Variants in ADAMTSL1 observed in about 807,000 individuals in gnomAD.
ADAMTSL1 encodes the protein ADAMTS like 1.
In ADAMTSL1, 126 loss-of-function variants were observed where a neutral mutation model predicts 201.8. That is an observed-to-expected ratio of 0.62 (90% CI 0.54 to 0.72). The LOEUF (loss-of-function observed/expected upper bound fraction) is 0.72. Ranked by LOEUF, ADAMTSL1 falls within the 30% of genes least tolerant of loss-of-function variation. The probability of loss-of-function intolerance (pLI) is 0.00; values close to 1 mark genes in which losing one functional copy is unlikely to be tolerated. For synonymous variants in ADAMTSL1, 1,121 were observed against 903.4 expected (o/e 1.24, Z -4.32); for missense variants, 2,679 against 2,277.8 (o/e 1.18, Z -3.59).
At chr9:17,960,849 A>G (rs920093455) in intron 1 of ADAMTSL1, among the ~76,000 whole-genome samples, 1 of 152,172 alleles carries the variant, frequency 6.6e-6, no homozygotes, top group Non-Finnish European at 1.5e-5. Context: ...TCTGGCATGT[A>G]GTAAATGCGC....
intron 2 of ADAMTSL1, among the ~76,000 whole-genome samples, chr9:18,294,120 A>C (rs748435209): frequency 1.3e-5 from 2 of 152,212 alleles, no homozygotes; most frequent in Non-Finnish European, 2.9e-5. Flanking sequence ...TAAATGAACC[A>C]ATATGAATGA....
At chr9:18,546,993 A>T (rs1320792038) in intron 3 of ADAMTSL1, among the ~76,000 whole-genome samples, 2 of 152,174 alleles carry the variant, frequency 1.3e-5, no homozygotes, top group Non-Finnish European at 2.9e-5. Flanking sequence ...TAGGTAAGAA[A>T]TTCTCCAATA....
At chr9:18,334,053 G>T (rs1271774934) in intron 2 of ADAMTSL1, among the ~76,000 whole-genome samples, 1 of 152,142 alleles carries the variant, frequency 6.6e-6, no homozygotes, top group Non-Finnish European at 1.5e-5. Context: ...TTCAAACTCA[G>T]ATCTGCCTCC....
At chr9:18,330,836 T>G (rs1001459910) in intron 2 of ADAMTSL1, among the ~76,000 whole-genome samples, 3 of 152,154 alleles carry the variant, frequency 2.0e-5, no homozygotes, top group Non-Finnish European at 4.4e-5. Flanking sequence ...TAAAAGCAAA[T>G]GCATAAAACT....
chr9:18,566,989 G>C (rs142914454), intron 3 of ADAMTSL1, among the ~76,000 whole-genome samples: 1 of 152,102 alleles, frequency 6.6e-6, no homozygotes, highest in Admixed American at 6.6e-5. Context: ...TTCTCAAAGC[G>C]GGTTTGCCAA....
At chr9:18,745,126 G>A (rs988913035) in intron 15 of ADAMTSL1, among the ~76,000 whole-genome samples, 2 of 152,090 alleles carry the variant, frequency 1.3e-5, no homozygotes, top group East Asian at 1.9e-4. Context: ...GGGACAATAT[G>A]AGCTAAGTAG....
intron 15 of ADAMTSL1, among the ~76,000 whole-genome samples, chr9:18,726,860 A>G (rs992139293): frequency 1.3e-5 from 2 of 152,226 alleles, no homozygotes; most frequent in African/African-American, 4.8e-5. Context: ...GAAAAAGCTC[A>G]TAATTCCAGG....
intron 23 of ADAMTSL1, among the ~76,000 whole-genome samples, chr9:18,868,993 G>A (rs1827718585): frequency 6.6e-6 from 1 of 152,192 alleles, no homozygotes; most frequent in African/African-American, 2.4e-5. Flanking sequence ...TTAAGATAAG[G>A]TCATTCATAT....
chr9:18,545,727 C>A (rs1251226686), intron 3 of ADAMTSL1, among the ~76,000 whole-genome samples: 2 of 152,138 alleles, frequency 1.3e-5, no homozygotes, highest in Non-Finnish European at 2.9e-5. Context: ...AAAAAGGATG[C>A]TGGCCTCTAG....
chr9:18,726,293 G>A (rs992263560), intron 15 of ADAMTSL1, among the ~76,000 whole-genome samples: 12 of 151,908 alleles, frequency 7.9e-5, no homozygotes, highest in East Asian at 3.9e-4. Flanking sequence ...GCTTAAGATC[G>A]GGAGTTCAAG....
At chr9:18,494,720 C>A (rs554363217) in intron 1 of ADAMTSL1, among the ~76,000 whole-genome samples, 60 of 152,152 alleles carry the variant, frequency 3.9e-4, no homozygotes, top group Non-Finnish European at 7.1e-4. Flanking sequence ...GGCTCTTCAC[C>A]TTTTTTGAAG....
chr9:18,165,502 G>T (rs1197983239), intron 2 of ADAMTSL1, among the ~76,000 whole-genome samples: 2 of 151,760 alleles, frequency 1.3e-5, no homozygotes, highest in Non-Finnish European at 2.9e-5. Context: ...AATGAAAACT[G>T]TCCATGCTGT....
intron 2 of ADAMTSL1, among the ~76,000 whole-genome samples, chr9:18,390,253 C>G (rs1022409205): frequency 1.3e-5 from 2 of 152,022 alleles, no homozygotes; most frequent in African/African-American, 4.8e-5. Context: ...AAAAGCAAAC[C>G]ATTTCTGTTA....
intron 16 of ADAMTSL1, among the ~76,000 whole-genome samples, chr9:18,768,992 A>G (rs1195593380): frequency 6.6e-6 from 1 of 152,190 alleles, no homozygotes; most frequent in African/African-American, 2.4e-5. Flanking sequence ...AAAAACTGGT[A>G]CCTGGGAGCC....
At chr9:18,143,061 T>C (rs1405145431) in intron 1 of ADAMTSL1, among the ~76,000 whole-genome samples, 1 of 152,174 alleles carries the variant, frequency 6.6e-6, no homozygotes, top group Non-Finnish European at 1.5e-5. Flanking sequence ...GCAGTTTCAC[T>C]CCAATGCTAA....
intron 2 of ADAMTSL1, among the ~76,000 whole-genome samples, chr9:18,325,173 G>A (rs917340835): frequency 6.6e-6 from 1 of 152,122 alleles, no homozygotes; most frequent in Non-Finnish European, 1.5e-5. Context: ...CTTTGGAAAA[G>A]GTTTGACAAT....
At chr9:18,871,766 CA>C (rs1332591745) in intron 23 of ADAMTSL1, among the ~76,000 whole-genome samples, 1 of 152,220 alleles carries the variant, frequency 6.6e-6, no homozygotes, top group Non-Finnish European at 1.5e-5. Flanking sequence ...CACATTCCAT[CA>C]GAGCTGCTTT....
chr9:18,394,077 G>A (rs549187684), intron 2 of ADAMTSL1, among the ~76,000 whole-genome samples: 1 of 152,196 alleles, frequency 6.6e-6, no homozygotes, highest in Non-Finnish European at 1.5e-5. Context: ...GGTGAAAAAT[G>A]TATCTTGGCA....
chr9:18,691,838 G>T (rs998901160), intron 13 of ADAMTSL1, among the ~76,000 whole-genome samples: 7 of 152,126 alleles, frequency 4.6e-5, no homozygotes, highest in Admixed American at 4.6e-4. Flanking sequence ...AAGTTAATCT[G>T]TGTAAAGTAC....
Sources: gnomAD v4.1 joint callset for allele counts (sites outside exome capture counted in the v4.1 genomes callset) on GRCh38, gnomAD v4.1.1 for gene constraint, MANE v1.5 for transcripts, NCBI Gene and HGNC (gene_info 2026-07-23, HGNC 2026-07-21) for gene names.